The following ENPP3 variants were observed in gnomAD, a reference collection of about 807,000 sequenced individuals.
ENPP3 encodes the protein ectonucleotide pyrophosphatase/phosphodiesterase family member 3.
A neutral mutation model predicts 117.8 loss-of-function variants in ENPP3; 104 were observed. The observed-to-expected ratio is 0.88, with a 90% CI of 0.75 to 1.04. The LOEUF is 1.04. Among genes scored for constraint, ENPP3 ranks in the 50% least tolerant of loss-of-function variants. ENPP3 has a pLI of 0.00. For synonymous variants in ENPP3, 380 were observed against 349.9 expected, an observed-to-expected ratio of 1.09 and a Z score of -0.96; for missense variants, 1,026 against 1,051.9, an observed-to-expected ratio of 0.98 and a Z score of 0.34.
intron 6 of ENPP3, among the ~76,000 whole-genome samples, chr6:131,661,544 A>G (rs144595177): frequency 3.9e-5 from 6 of 152,194 alleles, no homozygotes; most frequent in Admixed American, 1.3e-4. Context: ...CTCCCATCTC[A>G]GCCTCCCAAA....
At chr6:131,733,035 G>T (rs191526035) in intron 20 of ENPP3, among the ~76,000 whole-genome samples, 40 of 152,034 alleles carry the variant, frequency 2.6e-4, no homozygotes, top group Admixed American at 5.2e-4. Flanking sequence ...CCTGGCCTAA[G>T]AAATTATTTT....
intron 15 of ENPP3, among the ~76,000 whole-genome samples, chr6:131,717,512 AC>A (rs1339874045): frequency 1.1e-4 from 16 of 151,616 alleles, no homozygotes; most frequent in Non-Finnish European, 4.4e-5. Flanking sequence ...ATCAAATTTG[AC>A]TCAGTATAAC....
At chr6:131,740,853 T>C (rs1246894322) in intron 24 of ENPP3, among the ~76,000 whole-genome samples, 1 of 152,210 alleles carries the variant, frequency 6.6e-6, no homozygotes, top group East Asian at 1.9e-4. Context: ...TCTTGAAATA[T>C]ACAATACATT....
intron 24 of ENPP3, among the ~76,000 whole-genome samples, chr6:131,745,262 G>A (rs998606345): frequency 2.0e-5 from 3 of 149,924 alleles, no homozygotes; most frequent in East Asian, 1.9e-4. Flanking sequence ...CTAACATGGC[G>A]CATTTTTTTT....
chr6:131,652,572 G>T lies in ENPP3; in HGVS notation c.308G>T (p.Cys103Phe), dbSNP rs755606008. Reference sequence around the variant, plus strand: ...ATATGGATGTGCAATAAATTTCGTTGTGGAGAGACCAGATTAGAGGCCAGC... The same window carrying T: ...ATATGGATGTGCAATAAATTTCGTTTTGGAGAGACCAGATTAGAGGCCAGC... ...TRIWMCNKFR[C>F]GETRLEASLC... is the part of the protein sequence containing the mutation. Residue 103 changes from cysteine to phenylalanine, a missense_variant, in exon 4 of 25, where the codon TGT becomes TTT. By Grantham distance (205) the Cys-to-Phe change is radical (BLOSUM62 -2). Coordinates refer to ENST00000357639, the MANE Select transcript of ENPP3 (RefSeq NM_005021.5). 2.5e-6 allele frequency: 4 copies of T among 1,613,942 alleles called. No homozygotes were observed. In the South Asian group the frequency reaches 4.4e-5, roughly 18 times the overall value.
chr6:131,638,223 T>C lies in ENPP3; in HGVS notation c.78+761T>C, dbSNP rs62423377. ...TCCACTTGAGTGTTCATAACAACAA[T>C]AACTTCCTGGTACTTTCTCATTCTG... On this transcript the variant is annotated intron_variant, in intron 1 of 24. Transcript: ENST00000357639. Among the ~76,000 whole-genome samples the C allele has an allele frequency of 4.9e-3, 743 of 152,278 alleles. 4 individuals carry two copies. Among genetic ancestry groups the C allele is most frequent in the Middle Eastern group, 0.034 (10 of 294 alleles).
At chr6:131,679,891 A>G (rs1345270944) in intron 11 of ENPP3, among the ~76,000 whole-genome samples, 1 of 152,202 alleles carries the variant, frequency 6.6e-6, no homozygotes, top group Admixed American at 6.5e-5. Context: ...TGGACAAGCT[A>G]TGAGAATTAT....
At chr6:131,738,511 A>G (rs187050348) in intron 23 of ENPP3, among the ~76,000 whole-genome samples, 12 of 152,256 alleles carry the variant, frequency 7.9e-5, no homozygotes, top group Admixed American at 7.8e-4. Flanking sequence ...AAATGAAAAA[A>G]AAGTCGAGTA....
intron 9 of ENPP3, among the ~76,000 whole-genome samples, chr6:131,675,931 CT>C (rs1778858649): frequency 6.6e-6 from 1 of 152,188 alleles, no homozygotes; most frequent in African/African-American, 2.4e-5. Flanking sequence ...CCCTGTGTCA[CT>C]CAGAGTAAAA....
At chr6:131,687,586 G>GATATTCAC (rs1327381043) in intron 14 of ENPP3, among the ~76,000 whole-genome samples, 1 of 152,070 alleles carries the variant, frequency 6.6e-6, no homozygotes, top group Admixed American at 6.6e-5. Flanking sequence ...AATGGGAGGA[G>GATATTCAC]ATATTCACAA....
chr6:131,732,294 C>T (rs912048882), intron 20 of ENPP3, among the ~76,000 whole-genome samples: 2 of 152,140 alleles, frequency 1.3e-5, no homozygotes, highest in African/African-American at 4.8e-5. Context: ...ATATGCTAAT[C>T]AAAATATGAT....
intron 5 of ENPP3, 29 bp from the exon 6 acceptor site, chr6:131,658,294 A>T (rs753779093): frequency 7.9e-7 from 1 of 1,266,922 alleles, no homozygotes; most frequent in Non-Finnish European, 1.2e-6. Flanking sequence ...TATCCAAAAC[A>T]ATGGACAAAT....
Position 131,737,418 on chromosome 6 carries a change from A to C in ENPP3, c.2153A>C (p.Tyr718Ser). 6.3e-7 allele frequency: 1 copy of C among 1,581,488 alleles called. No individual in the cohort carries two copies. Among genetic ancestry groups the C allele is most frequent in the Non-Finnish European group, 8.7e-7 (1 of 1,151,838 alleles). The part of the protein sequence containing the change: ...ALITSNLVPM[Y>S]EEFRKMWDYF... ...ATTACTAGCAATTTGGTACCTATGT[A>C]TGAAGAATTCAGAAGTAAGTATGAA... The change falls in exon 22 of 25, where the codon TAT (tyrosine) becomes TCT (serine). Residue 718 changes from tyrosine (Y) to serine (S), a missense_variant. Tyr to Ser is a moderately radical substitution (Grantham distance 144). Transcript: ENST00000357639.
intron 5 of ENPP3, among the ~76,000 whole-genome samples, chr6:131,655,915 T>A (rs1366224673): frequency 2.0e-5 from 3 of 152,200 alleles, no homozygotes; most frequent in Non-Finnish European, 4.4e-5. Flanking sequence ...ATTGAAGTCA[T>A]TCCTGCCTAT....
In ENPP3 at chr6:131,700,654, C is replaced by T. The variant is rs777781396; in HGVS notation, c.1412+7030C>T. The T allele has an allele frequency of 1.3e-5, 21 of 1,557,796 alleles. 3 individuals carry two copies. The highest frequency in any genetic ancestry group is 4.7e-5 in the South Asian group (4 of 85,870). ...TACATGATAATGGCTGTGCCATAAA[C>T]GAGTCCAATCACACAGAGGTGGGAG... On this transcript the variant is annotated intron_variant, in intron 15 of 24. Coordinates refer to ENST00000357639, the MANE Select transcript of ENPP3 (RefSeq NM_005021.5).
chr6:131,716,437 A>T (rs1347005187), intron 15 of ENPP3, among the ~76,000 whole-genome samples: 1 of 152,090 alleles, frequency 6.6e-6, no homozygotes, highest in Non-Finnish European at 1.5e-5. Context: ...CTGGATTAGG[A>T]GATGGAAATA....
intron 24 of ENPP3, among the ~76,000 whole-genome samples, chr6:131,743,855 A>C (rs1282124916): frequency 6.7e-6 from 1 of 149,002 alleles, no homozygotes; most frequent in Non-Finnish European, 1.5e-5. Flanking sequence ...AAAATAAAAT[A>C]AAGTCAATAG....
chr6:131,724,653 T>A (rs1250356172), intron 19 of ENPP3, among the ~76,000 whole-genome samples: 5 of 152,186 alleles, frequency 3.3e-5, no homozygotes, highest in African/African-American at 9.7e-5. Flanking sequence ...ACAGTTGCTG[T>A]GAAGATTACA....
At position 131,719,779 on chromosome 6, in the gene ENPP3, T is replaced by C. The variant is rs538545587; in HGVS notation, c.1480-513T>C. Among the ~76,000 whole-genome samples the C allele has an allele frequency of 1.1e-4, 17 of 152,274 alleles. No individual in the cohort carries two copies. The South Asian group carries it at 3.1e-3, about 28-fold the overall frequency. On this transcript the variant is annotated intron_variant, in intron 16 of 24. Coordinates refer to ENST00000357639, the MANE Select transcript of ENPP3 (RefSeq NM_005021.5). ...CAAGTTAACATTAATTAATTCAATG[T>C]AAACCAAAATATTGAGGTCTTTTTA... is the stretch of plus-strand genomic sequence containing the variant.
Sources: gnomAD v4.1 joint callset for allele counts (sites outside exome capture counted in the v4.1 genomes callset) on GRCh38, gnomAD v4.1.1 for gene constraint, MANE v1.5 for transcripts, NCBI Gene and HGNC (gene_info 2026-07-23, HGNC 2026-07-21) for gene names.